The following DYM variants were observed in gnomAD, a reference collection of about 807,000 sequenced individuals.
DYM encodes the protein dyggve-Melchior-Clausen syndrome protein.
A neutral mutation model predicts 93.1 loss-of-function variants in DYM; 78 were observed. That is an observed-to-expected ratio of 0.84 (90% CI 0.70 to 1.01). The LOEUF (loss-of-function observed/expected upper bound fraction) is 1.01, where lower values mean the gene tolerates loss of function less well. Among genes scored for constraint, DYM ranks in the 50% least tolerant of loss-of-function variants. The pLI is 0.00. For synonymous variants in DYM, 321 were observed against 319.7 expected (o/e 1.00, Z -0.04); for missense variants, 789 against 845.0 (o/e 0.93, Z 0.82).
At chr18:49,373,868 G>T (rs2067257189) in intron 5 of DYM, among the ~76,000 whole-genome samples, 1 of 152,214 alleles carries the variant, frequency 6.6e-6, no homozygotes, top group East Asian at 1.9e-4. Context: ...TCATGGGAAG[G>T]TTTGCAACTT....
intron 16 of DYM, among the ~76,000 whole-genome samples, chr18:49,113,723 T>C (rs2081644125): frequency 6.6e-6 from 1 of 152,150 alleles, no homozygotes; most frequent in Admixed American, 6.5e-5. Flanking sequence ...CTTTGGGGGA[T>C]AGATGGGGAA....
intron 15 of DYM, among the ~76,000 whole-genome samples, chr18:49,123,972 A>G (rs2082600044): frequency 6.6e-6 from 1 of 152,234 alleles, no homozygotes; most frequent in South Asian, 2.1e-4. Context: ...TATATTTTAT[A>G]CACTCACTTA....
intron 14 of DYM, among the ~76,000 whole-genome samples, chr18:49,164,001 A>C (rs867859213): frequency 1.3e-5 from 2 of 152,154 alleles, no homozygotes; most frequent in African/African-American, 4.8e-5. Flanking sequence ...ATTCTAAAAA[A>C]TTTTTTAATG....
At chr18:49,246,564 C>T (rs369806964) in intron 13 of DYM, among the ~76,000 whole-genome samples, 3 of 151,778 alleles carry the variant, frequency 2.0e-5, no homozygotes, top group African/African-American at 7.3e-5. Context: ...GGTTTTTTGT[C>T]TGCTTCTGCA....
At chr18:49,118,551 A>G in intron 16 of DYM, 193 bp downstream of exon 16, 1 of 583,008 alleles carries the variant, frequency 1.7e-6, no homozygotes, top group Admixed American at 3.0e-5. Context: ...CTTCAATTGT[A>G]TTAAATATGT....
rs577866943 is a variant in DYM at position 49,037,597 on chromosome 18, T to A, written c.*6458A>T. Among the ~76,000 whole-genome samples, 1 of 152,198 alleles carries A rather than the reference T, an allele frequency of 6.6e-6. No individual in the cohort carries two copies. Among genetic ancestry groups the A allele is most frequent in the Non-Finnish European group, 1.5e-5 (1 of 68,032 alleles). ...AATTTAAAATAAAATTAAAAGGTCT[T>A]CTAAGCATAGTTTTATTTGCATCCC... On this transcript the variant is annotated 3_prime_UTR_variant, in exon 18 of 18. Coordinates refer to ENST00000675505, the MANE Select transcript of DYM (RefSeq NM_001353214.3).
At chr18:49,242,000 A>T (rs754763424) in intron 13 of DYM, among the ~76,000 whole-genome samples, 2 of 152,132 alleles carry the variant, frequency 1.3e-5, no homozygotes, top group South Asian at 2.1e-4. Context: ...CATGCACCAC[A>T]CATGTTCTTC....
intron 14 of DYM, among the ~76,000 whole-genome samples, chr18:49,188,489 A>T (rs1221947929): frequency 6.6e-6 from 1 of 152,202 alleles, no homozygotes; most frequent in Non-Finnish European, 1.5e-5. Context: ...ATATGGGTAC[A>T]CATGGAATAC....
intron 6 of DYM, among the ~76,000 whole-genome samples, chr18:49,351,105 C>A (rs937002434): frequency 3.5e-4 from 53 of 151,998 alleles, no homozygotes; most frequent in Non-Finnish European, 5.7e-4. Context: ...CTGACTTGAA[C>A]ATGAGTTTTA....
intron 6 of DYM, among the ~76,000 whole-genome samples, chr18:49,334,825 G>A (rs1342104237): frequency 1.3e-5 from 2 of 152,166 alleles, no homozygotes; most frequent in Admixed American, 1.3e-4. Context: ...TGTTTAAAAG[G>A]CCAGGCTCAG....
rs547996472 is a variant in DYM, at chr18:49,065,862, G to A, written c.2026-21658C>T. Among the ~76,000 whole-genome samples the A allele has an allele frequency of 4.6e-5, 7 of 152,032 alleles. No homozygotes were observed. The South Asian group carries it at 8.3e-4, about 18-fold the overall frequency. On this transcript the variant is annotated intron_variant, in intron 17 of 17. Transcript: ENST00000675505. ...GATCACATCTTAGGAGAGCAAAAACGGGTGAAATCATTTGATTTTTATATG... is the reference window on the plus strand; with the variant it reads ...GATCACATCTTAGGAGAGCAAAAACAGGTGAAATCATTTGATTTTTATATG...
chr18:49,078,167 C>T (rs2077469565), intron 17 of DYM, among the ~76,000 whole-genome samples: 1 of 152,098 alleles, frequency 6.6e-6, no homozygotes, highest in Non-Finnish European at 1.5e-5. Flanking sequence ...TCTCAGTCAA[C>T]TTACAGATAA....
At chr18:49,144,436 G>C (rs1230452727) in intron 15 of DYM, among the ~76,000 whole-genome samples, 1 of 152,082 alleles carries the variant, frequency 6.6e-6, no homozygotes, top group Non-Finnish European at 1.5e-5. Context: ...ACTAATTAGG[G>C]TTTGCAAAAT....
intron 15 of DYM, among the ~76,000 whole-genome samples, chr18:49,143,408 G>A (rs1387644650): frequency 2.0e-5 from 3 of 152,140 alleles, no homozygotes; most frequent in Non-Finnish European, 2.9e-5. Flanking sequence ...GGTGGTAGAA[G>A]CTGTAGTGGT....
At chr18:49,168,658 G>C (rs889863523) in intron 14 of DYM, among the ~76,000 whole-genome samples, 4 of 152,126 alleles carry the variant, frequency 2.6e-5, no homozygotes, top group African/African-American at 9.7e-5. Flanking sequence ...TAATGAAAGA[G>C]ACATGGCTCC....
At chr18:49,137,553 A>G (rs1385971215) in intron 15 of DYM, among the ~76,000 whole-genome samples, 1 of 152,236 alleles carries the variant, frequency 6.6e-6, no homozygotes, top group African/African-American at 2.4e-5. Context: ...CTTTGACTCT[A>G]GAAACCCTGC....
intron 13 of DYM, among the ~76,000 whole-genome samples, chr18:49,226,227 G>C (rs2093524099): frequency 6.6e-6 from 1 of 152,132 alleles, no homozygotes; most frequent in Non-Finnish European, 1.5e-5. Context: ...AACTCATTAA[G>C]TATACCACTG....
intron 17 of DYM, among the ~76,000 whole-genome samples, chr18:49,071,463 A>G (rs975932504): frequency 2.6e-5 from 4 of 152,246 alleles, no homozygotes; most frequent in Admixed American, 6.5e-5. Flanking sequence ...AGTTCACAAA[A>G]GCTTATCTCC....
intron 6 of DYM, among the ~76,000 whole-genome samples, chr18:49,353,796 G>A (rs1369082925): frequency 2.0e-5 from 3 of 151,866 alleles, no homozygotes; most frequent in African/African-American, 7.3e-5. Context: ...TAAATAGAAA[G>A]ATATTCTATA....
Sources: allele counts gnomAD v4.1 joint callset (sites outside exome capture counted in the v4.1 genomes callset), GRCh38; gene constraint gnomAD v4.1.1; transcripts MANE v1.5; gene names NCBI Gene and HGNC (gene_info 2026-07-23, HGNC 2026-07-21).